The following ZNF385D variants were observed in gnomAD, a reference collection of about 807,000 sequenced individuals.
The protein encoded by ZNF385D is zinc finger protein 659.
In ZNF385D, 15 loss-of-function variants were observed where a neutral mutation model predicts 35.8. The ratio of observed to expected loss-of-function variants is 0.42; its 90% confidence interval spans 0.28 to 0.64. The LOEUF is 0.64. Ranked by LOEUF, ZNF385D falls within the 30% of genes least tolerant of loss-of-function variation. The probability of loss-of-function intolerance (pLI) is 0.23; values close to 1 mark genes in which losing one functional copy is unlikely to be tolerated. For missense variants in ZNF385D, 474 were observed against 494.6 expected, an observed-to-expected ratio of 0.96 and a Z score of 0.39; for synonymous variants, 212 against 186.8, an observed-to-expected ratio of 1.13 and a Z score of -1.10.
intron 2 of ZNF385D, among the ~76,000 whole-genome samples, chr3:22,304,775 A>G (rs184773547): frequency 4.6e-5 from 7 of 152,318 alleles, no homozygotes; most frequent in Non-Finnish European, 8.8e-5. Flanking sequence ...ACAATCAGGC[A>G]TATAAGAACT....
intron 2 of ZNF385D, among the ~76,000 whole-genome samples, chr3:22,361,613 C>G (rs1222487544): frequency 6.6e-6 from 1 of 152,048 alleles, no homozygotes; most frequent in East Asian, 1.9e-4. Context: ...CCATTCCATT[C>G]ATGTACTATC....
intron 2 of ZNF385D, among the ~76,000 whole-genome samples, chr3:22,369,431 G>A (rs1426669167): frequency 6.6e-6 from 1 of 151,950 alleles, no homozygotes; most frequent in East Asian, 1.9e-4. Flanking sequence ...ACTCTTCTAA[G>A]GTTAAATATG....
intron 3 of ZNF385D, among the ~76,000 whole-genome samples, chr3:21,889,234 G>A (rs556088997): frequency 3.5e-4 from 53 of 152,276 alleles, no homozygotes; most frequent in African/African-American, 1.3e-3. Context: ...TGTTTCTCAT[G>A]GATCAGATGG....
intron 3 of ZNF385D, among the ~76,000 whole-genome samples, chr3:22,048,168 A>T (rs1699121737): frequency 6.6e-6 from 1 of 151,388 alleles, no homozygotes; most frequent in South Asian, 2.1e-4. Context: ...GTTTGCAAAC[A>T]TTTTTTTCCT....
At chr3:21,502,431 C>T (rs1176292930) in intron 4 of ZNF385D, among the ~76,000 whole-genome samples, 1 of 152,130 alleles carries the variant, frequency 6.6e-6, no homozygotes, top group Non-Finnish European at 1.5e-5. Flanking sequence ...CATACATGTG[C>T]ACATACATAG....
chr3:21,788,109 A>C (rs149370587), intron 3 of ZNF385D, among the ~76,000 whole-genome samples: 1,908 of 152,252 alleles, frequency 0.013, 50 homozygotes, highest in African/African-American at 0.043. Flanking sequence ...TAAAATTATG[A>C]TAGGAATAAT....
chr3:21,434,747 G>T (rs542599132), intron 5 of ZNF385D, among the ~76,000 whole-genome samples: 1 of 152,242 alleles, frequency 6.6e-6, no homozygotes, highest in South Asian at 2.1e-4. Context: ...GCTCTAAAAT[G>T]AGCATTAGGC....
intron 3 of ZNF385D, among the ~76,000 whole-genome samples, chr3:22,149,107 G>T (rs2125716129): frequency 6.6e-6 from 1 of 152,200 alleles, no homozygotes; most frequent in African/African-American, 2.4e-5. Context: ...TAGAAATGCA[G>T]GATCTCATAC....
At chr3:22,140,285 T>C (rs1234638447) in intron 3 of ZNF385D, among the ~76,000 whole-genome samples, 1 of 152,198 alleles carries the variant, frequency 6.6e-6, no homozygotes, top group African/African-American at 2.4e-5. Context: ...ACATAGATCT[T>C]AAATTCATAA....
chr3:22,071,211 A>G (rs1310184738), intron 3 of ZNF385D, among the ~76,000 whole-genome samples: 2 of 152,168 alleles, frequency 1.3e-5, no homozygotes, highest in Admixed American at 6.5e-5. Flanking sequence ...AATTCATAAT[A>G]TTTGACATAC....
At chr3:21,422,741 A>G (rs1247484847) in intron 7 of ZNF385D, among the ~76,000 whole-genome samples, 2 of 152,236 alleles carry the variant, frequency 1.3e-5, no homozygotes, top group South Asian at 2.1e-4. Flanking sequence ...ACAAAAACAC[A>G]TGATTATCTC....
intron 3 of ZNF385D, among the ~76,000 whole-genome samples, chr3:22,156,669 G>T (rs536684006): frequency 2.3e-4 from 35 of 152,182 alleles, no homozygotes; most frequent in Admixed American, 1.4e-3. Context: ...GCCGACTGAG[G>T]TATGTAAACT....
At chr3:21,768,577 T>C (rs1054828485) in intron 3 of ZNF385D, among the ~76,000 whole-genome samples, 1 of 151,968 alleles carries the variant, frequency 6.6e-6, no homozygotes, top group East Asian at 1.9e-4. Context: ...CACAGCCCTA[T>C]GACAGGCAGC....
intron 3 of ZNF385D, among the ~76,000 whole-genome samples, chr3:22,144,385 C>A (rs1704712021): frequency 6.6e-6 from 1 of 151,822 alleles, no homozygotes; most frequent in Non-Finnish European, 1.5e-5. Flanking sequence ...ACTAGCCTGG[C>A]CAATAGGGTG....
At chr3:22,022,464 A>C (rs945459793) in intron 3 of ZNF385D, among the ~76,000 whole-genome samples, 11 of 152,158 alleles carry the variant, frequency 7.2e-5, no homozygotes, top group Admixed American at 5.9e-4. Flanking sequence ...GAGAAAATGA[A>C]CAGCATCAAG....
intron 3 of ZNF385D, among the ~76,000 whole-genome samples, chr3:22,077,172 T>G (rs79603984): frequency 2.6e-5 from 4 of 151,990 alleles, no homozygotes; most frequent in East Asian, 1.9e-4. Context: ...TAGTTCAGTA[T>G]TGATGTCTAC....
intron 1 of ZNF385D, among the ~76,000 whole-genome samples, chr3:21,717,334 A>T (rs2068363154): frequency 6.6e-6 from 1 of 152,292 alleles, no homozygotes; most frequent in African/African-American, 2.4e-5. Context: ...GCACAGGAGG[A>T]TATTCTGAAA....
intron 3 of ZNF385D, among the ~76,000 whole-genome samples, chr3:22,160,854 AC>A (rs1705905901): frequency 6.6e-6 from 1 of 152,142 alleles, no homozygotes; most frequent in South Asian, 2.1e-4. Context: ...TCAACTTGTT[AC>A]TCAATCCTTC....
intron 3 of ZNF385D, among the ~76,000 whole-genome samples, chr3:21,876,777 T>C (rs763393310): frequency 2.6e-5 from 4 of 152,092 alleles, no homozygotes; most frequent in African/African-American, 7.2e-5. Flanking sequence ...GAATTCCATC[T>C]AATGTGAAAA....
Sources: gnomAD v4.1 joint callset for allele counts (sites outside exome capture counted in the v4.1 genomes callset) on GRCh38, gnomAD v4.1.1 for gene constraint, MANE v1.5 for transcripts, NCBI Gene and HGNC (gene_info 2026-07-23, HGNC 2026-07-21) for gene names.